CCDC159: variants seen among roughly 807,000 people sequenced by gnomAD.
The protein encoded by CCDC159 is coiled-coil domain containing 159.
Under a neutral mutation model 50.9 loss-of-function variants are expected in CCDC159, and 40 were observed. The observed-to-expected ratio is 0.79, with a 90% confidence interval of 0.61 to 1.02. The LOEUF is 1.02. Among genes scored for constraint, CCDC159 ranks in the 50% least tolerant of loss-of-function variants. CCDC159 has a pLI of 0.00. For missense variants in CCDC159, 356 were observed against 371.5 expected, an observed-to-expected ratio of 0.96 and a Z score of 0.34; for synonymous variants, 146 against 138.9, an observed-to-expected ratio of 1.05 and a Z score of -0.36.
At chr19:11,349,578 C>G in intron 1 of CCDC159, 76 bp from the exon 2 acceptor site, 2 of 1,586,726 alleles carry the variant, frequency 1.3e-6, no homozygotes, top group Non-Finnish European at 1.7e-6. Flanking sequence ...TTGTCCAGCC[C>G]TCAAAACTGG....
chr19:11,352,235 G>A (rs757012469), intron 7 of CCDC159, 102 bp downstream of exon 7: 21 of 1,148,390 alleles, frequency 1.8e-5, no homozygotes, highest in Non-Finnish European at 2.7e-5. Flanking sequence ...TCAAATCTCA[G>A]CTCTGCCACT....
rs1393264044 is a variant in CCDC159, at chr19:11,346,589, C to T, written c.-18C>T. 3.9e-6 allele frequency: 6 copies of T among 1,551,436 alleles called. No individual in the cohort carries two copies. The highest frequency in any genetic ancestry group is 3.5e-6 in the Non-Finnish European group (4 of 1,146,922). ...CAAACTTCAGCGTCACAGCTGAGGA[C>T]TGGCTTCGTGGTCCCTGATGGGAGA... On this transcript the variant is annotated 5_prime_UTR_variant, in exon 1 of 11. Transcript: ENST00000458408.
intron 1 of CCDC159, 21 bp from the exon 2 acceptor site, chr19:11,349,633 C>T: frequency 6.2e-7 from 1 of 1,612,896 alleles, no homozygotes; most frequent in South Asian, 1.1e-5. Flanking sequence ...TTTCTACTCC[C>T]ATCTCATCTC....
intron 7 of CCDC159, chr19:11,352,418 C>T (rs183162637): frequency 2.2e-5 from 9 of 413,410 alleles, no homozygotes; most frequent in Admixed American, 3.9e-5. Context: ...CCAGCCTGGC[C>T]AACATGATGA....
intron 1 of CCDC159, 99 bp from the exon 2 acceptor site, chr19:11,349,555 G>A (rs931306300): frequency 9.9e-6 from 15 of 1,512,824 alleles, no homozygotes; most frequent in African/African-American, 1.4e-5. Flanking sequence ...CTAGAACTGA[G>A]GAGATCCAAC....
At chr19:11,347,775 T>A (rs945618065) in intron 1 of CCDC159, among the ~76,000 whole-genome samples, 4 of 152,164 alleles carry the variant, frequency 2.6e-5, no homozygotes, top group Non-Finnish European at 1.5e-5. Context: ...CACCTAGAAG[T>A]TTCTCCAGGC....
At chr19:11,349,104 C>A in intron 1 of CCDC159, 1 of 1,349,352 alleles carries the variant, frequency 7.4e-7, no homozygotes, top group Middle Eastern at 2.1e-4. Context: ...GGGCCTTCGC[C>A]ACATGAGGCT....
intron 5 of CCDC159, 74 bp downstream of exon 5, chr19:11,351,077 G>T: frequency 7.3e-7 from 1 of 1,370,442 alleles, no homozygotes; most frequent in Non-Finnish European, 9.7e-7. Context: ...ATGGAGGCAG[G>T]ATGGGGGAAA....
Position 11,353,561 on chromosome 19 carries a change from G to A in CCDC159, c.678G>A (p.Leu226=). 2.5e-6 allele frequency: 4 copies of A among 1,613,712 alleles called. No homozygotes were observed. The highest frequency in any genetic ancestry group is 3.4e-6 in the Non-Finnish European group (4 of 1,179,750). ...GCWKDDLQKE[L]SDIWSAVHVL... ...GGAAGGATGACCTCCAGAAGGAACTGAGTGATATATGGTGATGCCCAGCCT... is the reference window on the plus strand; with the variant it reads ...GGAAGGATGACCTCCAGAAGGAACTAAGTGATATATGGTGATGCCCAGCCT... The change falls in exon 8 of 11, where the codon CTG becomes CTA. Residue 226 remains leucine (L), a synonymous_variant. Coordinates refer to ENST00000458408, the MANE Select transcript of CCDC159 (RefSeq NM_001080503.3).
At chr19:11,349,917 C>A in intron 2 of CCDC159, 21 bp from the exon 3 acceptor site, 2 of 1,612,334 alleles carry the variant, frequency 1.2e-6, no homozygotes, top group East Asian at 2.2e-5. Flanking sequence ...AGCCCTGGCT[C>A]ACCCTCTTCT....
chr19:11,348,239 T>A (rs1369426181), intron 1 of CCDC159: 1 of 439,250 alleles, frequency 2.3e-6, no homozygotes, highest in East Asian at 7.0e-5. Flanking sequence ...GCCTTCTGGG[T>A]CCTTCTCACT....
At chr19:11,349,241 A>G in intron 1 of CCDC159, 3 of 1,142,286 alleles carry the variant, frequency 2.6e-6, no homozygotes, top group South Asian at 1.4e-5. Flanking sequence ...AACCACTGCA[A>G]TCTACTGCTG....
chr19:11,350,335 GA>G, intron 4 of CCDC159, 136 bp downstream of exon 4: 1 of 439,384 alleles, frequency 2.3e-6, no homozygotes, highest in Non-Finnish European at 4.1e-6. Context: ...ACAACATGGT[GA>G]AACCCCATAT....
In CCDC159 at chr19:11,352,273, C is replaced by G. The variant is rs1444427455; in HGVS notation, c.567+140C>G. Reference sequence around the variant, plus strand: ...CTGCTGTGTGACTGTGGGCAAGTCACTTGACCTCTCTGAGCCTCAGTTTCC... The same window carrying G: ...CTGCTGTGTGACTGTGGGCAAGTCAGTTGACCTCTCTGAGCCTCAGTTTCC... On this transcript the variant is annotated intron_variant, in intron 7 of 10. Transcript: ENST00000458408. 9 of 793,050 alleles carry G rather than the reference C, an allele frequency of 1.1e-5. No homozygotes were observed. In the South Asian group the frequency reaches 1.4e-4, roughly 13 times the overall value. The allele number at this position is 793,050 out of a possible 1,614,324, so 49.1% of individuals were successfully genotyped here.
intron 7 of CCDC159, 81 bp from the exon 8 acceptor site, chr19:11,353,370 G>A (rs1967686734): frequency 1.4e-6 from 2 of 1,447,282 alleles, no homozygotes; most frequent in African/African-American, 2.8e-5. Flanking sequence ...AAAGTGCTGG[G>A]ATTACAGGTG....
chr19:11,351,140 A>G lies in CCDC159; in HGVS notation c.422+137A>G, dbSNP rs79714715. On this transcript the variant is annotated intron_variant, in intron 5 of 10. Transcript: ENST00000458408. The stretch of plus-strand genomic sequence containing the variant: ...AGGGATGGTGGAAAGCCTGAGGGAC[A>G]AGAAGAGGGAATGAGGCCGGGTGTG... 664 of 918,826 alleles carry G rather than the reference A, an allele frequency of 7.2e-4. 4 individuals are homozygous for G. The African/African-American group carries it at 0.01, about 14-fold the overall frequency. The allele number at this position is 918,826 out of a possible 1,614,324, so 56.9% of individuals were successfully genotyped here.
intron 1 of CCDC159, 107 bp downstream of exon 1, chr19:11,346,734 G>C (rs985921855): frequency 2.2e-6 from 3 of 1,349,670 alleles, no homozygotes; most frequent in South Asian, 2.6e-5. Flanking sequence ...TCTCCCGGGA[G>C]GGACACGGAA....
At chr19:11,349,420 C>T (rs956578551) in intron 1 of CCDC159, 1 of 584,614 alleles carries the variant, frequency 1.7e-6, no homozygotes, top group Non-Finnish European at 3.0e-6. Context: ...GTGTGTCTTC[C>T]ATGGGGATTT....
Position 11,350,451 on chromosome 19 carries a change from G to A in CCDC159, c.226+252G>A, listed in dbSNP as rs140224523. 5.8e-3 allele frequency among the ~76,000 whole-genome samples: 876 copies of A among 151,120 alleles called. 9 individuals carry two copies. The highest frequency in any genetic ancestry group is 0.02 in the African/African-American group (820 of 41,148). On this transcript the variant is annotated intron_variant, in intron 4 of 10. Transcript: ENST00000458408. ...GTGGATCACCTGAGGTCAGGAGTTCGAGACCAGCCTGGCCAATATGGTGAA... is the reference window on the plus strand; with the variant it reads ...GTGGATCACCTGAGGTCAGGAGTTCAAGACCAGCCTGGCCAATATGGTGAA...
Sources: allele counts gnomAD v4.1 joint callset (sites outside exome capture counted in the v4.1 genomes callset), GRCh38; gene constraint gnomAD v4.1.1; transcripts MANE v1.5; gene names NCBI Gene and HGNC (gene_info 2026-07-23, HGNC 2026-07-21).